NALF1: variants seen among roughly 807,000 people sequenced by gnomAD.
NALF1 encodes the protein family with sequence similarity 155 member A.
In NALF1, 3 loss-of-function variants were observed where a neutral mutation model predicts 48.4. That is an observed-to-expected ratio of 0.06 (90% CI 0.03 to 0.16). NALF1 has a LOEUF of 0.16. NALF1 is among the 10% of genes least tolerant of loss of function. NALF1 has a pLI of 1.00. For synonymous variants in NALF1, 262 were observed against 245.7 expected (o/e 1.07, Z -0.62); for missense variants, 526 against 571.5 (o/e 0.92, Z 0.81).
intron 1 of NALF1, among the ~76,000 whole-genome samples, chr13:107,438,298 T>A (rs1884495600): frequency 6.6e-6 from 1 of 152,206 alleles, no homozygotes; most frequent in South Asian, 2.1e-4. Flanking sequence ...AAATGTATAC[T>A]ATTTATTTTG....
intron 1 of NALF1, among the ~76,000 whole-genome samples, chr13:107,495,815 C>G (rs1343006585): frequency 5.3e-5 from 8 of 151,878 alleles, no homozygotes; most frequent in Non-Finnish European, 1.5e-5. Context: ...GAAGGGTGTC[C>G]CTCACTAATC....
intron 1 of NALF1, among the ~76,000 whole-genome samples, chr13:107,374,939 A>G (rs1210451548): frequency 6.6e-6 from 1 of 152,182 alleles, no homozygotes; most frequent in African/African-American, 2.4e-5. Context: ...ATTATAAATT[A>G]CCCAGTCTGT....
intron 1 of NALF1, among the ~76,000 whole-genome samples, chr13:107,276,313 CT>C (rs1450969234): frequency 4.6e-5 from 7 of 152,142 alleles, no homozygotes; most frequent in Non-Finnish European, 8.8e-5. Flanking sequence ...AACTTCATCT[CT>C]TTAATCAGAA....
Position 107,324,243 on chromosome 13 carries a change from T to C in NALF1, c.916-113488A>G, listed in dbSNP as rs534508343. On this transcript the variant is annotated intron_variant, in intron 1 of 2. Coordinates refer to ENST00000375915, the MANE Select transcript of NALF1 (RefSeq NM_001080396.3). ...TATTATTTTTCTGAATCATGGTATCTCATACTTCTAATCAAAGACGTATTT... is the reference window on the plus strand; with the variant it reads ...TATTATTTTTCTGAATCATGGTATCCCATACTTCTAATCAAAGACGTATTT... Among the ~76,000 whole-genome samples the C allele has an allele frequency of 4.6e-5, 7 of 152,356 alleles. No homozygotes were observed. The East Asian group carries it at 9.6e-4, about 21-fold the overall frequency.
At chr13:107,379,158 A>G (rs1158792231) in intron 1 of NALF1, among the ~76,000 whole-genome samples, 1 of 152,174 alleles carries the variant, frequency 6.6e-6, no homozygotes. Flanking sequence ...GATGCTTCTA[A>G]ATAGGGTTGG....
intron 1 of NALF1, among the ~76,000 whole-genome samples, chr13:107,317,746 C>T (rs947574242): frequency 1.3e-5 from 2 of 151,754 alleles, no homozygotes; most frequent in Non-Finnish European, 2.9e-5. Flanking sequence ...ATAATATCCA[C>T]ACCACAAAGA....
At chr13:107,402,772 CATT>C (rs1378335876) in intron 1 of NALF1, among the ~76,000 whole-genome samples, 1 of 152,100 alleles carries the variant, frequency 6.6e-6, no homozygotes, top group African/African-American at 2.4e-5. Context: ...AACGGGATTA[CATT>C]ATTATTACTT....
At chr13:107,247,077 T>A (rs796440804) in intron 1 of NALF1, among the ~76,000 whole-genome samples, 42 of 152,310 alleles carry the variant, frequency 2.8e-4, no homozygotes, top group African/African-American at 1.0e-3. Context: ...GGGAAAAAAT[T>A]CTTCTCACCC....
chr13:107,681,895 T>G (rs1319831365), intron 1 of NALF1, among the ~76,000 whole-genome samples: 1 of 152,114 alleles, frequency 6.6e-6, no homozygotes, highest in African/African-American at 2.4e-5. Context: ...TTATTCCTCC[T>G]CCTCTCCACT....
intron 1 of NALF1, among the ~76,000 whole-genome samples, chr13:107,842,839 G>T (rs1880077766): frequency 6.6e-6 from 1 of 151,854 alleles, no homozygotes. Flanking sequence ...ATCCATCTTG[G>T]CAAATCTCTG....
chr13:107,355,879 G>A (rs181517349), intron 1 of NALF1, among the ~76,000 whole-genome samples: 10 of 152,248 alleles, frequency 6.6e-5, no homozygotes, highest in Admixed American at 2.6e-4. Context: ...AAAAATAGAA[G>A]ATTAAAGATT....
chr13:107,183,974 CT>C lies in NALF1; in HGVS notation c.1088-13189del, dbSNP rs796480096. Among the ~76,000 whole-genome samples the C allele has an allele frequency of 4.0e-3, 586 of 147,164 alleles. 4 individuals carry two copies. Among genetic ancestry groups the C allele is most frequent in the African/African-American group, 0.011 (447 of 40,246 alleles). Reference sequence around the variant, plus strand: ...CTTGCATATTTTCTATTTTCTTTTTCTTTTTTTTTTTATTTTCTTTTTGAGA... The same window carrying C: ...CTTGCATATTTTCTATTTTCTTTTTCTTTTTTTTTTATTTTCTTTTTGAGA... On this transcript the variant is annotated intron_variant, in intron 2 of 2. Coordinates refer to ENST00000375915, the MANE Select transcript of NALF1 (RefSeq NM_001080396.3).
rs376975461 is a variant in NALF1, at chr13:107,812,748, T to A, written c.915+52934A>T. ...TTTCTAAATAATGCTACAATTTCTA[T>A]CCATGTTATAATGAGAGGGTTTTTG... On this transcript the variant is annotated intron_variant, in intron 1 of 2. Transcript: ENST00000375915. 8.5e-5 allele frequency among the ~76,000 whole-genome samples: 13 copies of A among 152,178 alleles called. No homozygotes were observed. The East Asian group carries it at 2.5e-3, about 29-fold the overall frequency.
At chr13:107,831,999 A>G (rs1277359321) in intron 1 of NALF1, among the ~76,000 whole-genome samples, 1 of 152,300 alleles carries the variant, frequency 6.6e-6, no homozygotes, top group South Asian at 2.1e-4. Context: ...GGACATCATT[A>G]AAATAAAGTC....
chr13:107,528,595 C>G (rs1032281942), intron 1 of NALF1, among the ~76,000 whole-genome samples: 4 of 152,090 alleles, frequency 2.6e-5, no homozygotes, highest in Non-Finnish European at 5.9e-5. Flanking sequence ...CGGCAGGCAT[C>G]AAGGGATAAA....
intron 1 of NALF1, among the ~76,000 whole-genome samples, chr13:107,544,569 G>T (rs768263): frequency 6.6e-6 from 1 of 152,076 alleles, no homozygotes; most frequent in East Asian, 1.9e-4. Context: ...GACAAGTTTA[G>T]AACCCCACAG....
chr13:107,270,520 T>C (rs1881139253), intron 1 of NALF1, among the ~76,000 whole-genome samples: 1 of 152,094 alleles, frequency 6.6e-6, no homozygotes, highest in African/African-American at 2.4e-5. Flanking sequence ...ATGTTAGGTG[T>C]GATTTTCAGT....
intron 1 of NALF1, among the ~76,000 whole-genome samples, chr13:107,307,879 CTT>C (rs1431756410): frequency 1.3e-5 from 2 of 152,128 alleles, no homozygotes; most frequent in African/African-American, 2.4e-5. Flanking sequence ...TCTGTGTTCA[CTT>C]AATACAAATA....
intron 1 of NALF1, among the ~76,000 whole-genome samples, chr13:107,863,564 T>C (rs1350491852): frequency 6.6e-6 from 1 of 152,206 alleles, no homozygotes; most frequent in Non-Finnish European, 1.5e-5. Context: ...ATTGCGGTGA[T>C]AAGAAATCAA....
Sources: allele counts gnomAD v4.1 joint callset (sites outside exome capture counted in the v4.1 genomes callset), GRCh38; gene constraint gnomAD v4.1.1; transcripts MANE v1.5; gene names NCBI Gene and HGNC (gene_info 2026-07-23, HGNC 2026-07-21).